DCHS2: variants seen among roughly 807,000 people sequenced by gnomAD.
DCHS2 encodes the protein protocadherin-23.
A neutral mutation model predicts 182.4 loss-of-function variants in DCHS2; 142 were observed. The ratio of observed to expected loss-of-function variants is 0.78; its 90% CI spans 0.68 to 0.89. DCHS2 has a LOEUF of 0.89. Ranked by LOEUF, DCHS2 falls within the 40% of genes least tolerant of loss-of-function variation. The probability of loss-of-function intolerance (pLI) is 0.00; values close to 1 mark genes in which losing one functional copy is unlikely to be tolerated. For synonymous variants in DCHS2, 1,740 were observed against 1,663.3 expected (o/e 1.05, Z -1.12); for missense variants, 4,319 against 4,198.6 (o/e 1.03, Z -0.79).
chr4:154,407,606 C>A (rs1163812312), intron 1 of DCHS2, among the ~76,000 whole-genome samples: 2 of 152,158 alleles, frequency 1.3e-5, no homozygotes, highest in African/African-American at 4.8e-5. Flanking sequence ...GAAACAAAGT[C>A]CTGGTTGCTT....
At chr4:154,438,394 T>G (rs1733867886) in intron 1 of DCHS2, among the ~76,000 whole-genome samples, 1 of 152,228 alleles carries the variant, frequency 6.6e-6, no homozygotes, top group African/African-American at 2.4e-5. Context: ...TGTCTAATCA[T>G]GAGCCAACAG....
At chr4:154,343,269 C>T (rs1729195435) in intron 3 of DCHS2, among the ~76,000 whole-genome samples, 1 of 152,142 alleles carries the variant, frequency 6.6e-6, no homozygotes, top group Non-Finnish European at 1.5e-5. Flanking sequence ...AGCCCTAGGA[C>T]TTTCAGAATG....
At position 154,335,047 on chromosome 4, in the gene DCHS2, A is replaced by C. The variant is rs772484300; in HGVS notation, c.2534T>G (p.Met845Arg). Residue 845 changes from methionine to arginine, a missense_variant, in exon 4 of 20, where the codon ATG becomes AGG. By Grantham distance (91) the Met-to-Arg change is moderately conservative. Transcript: ENST00000357232. Reference sequence around the variant, plus strand: ...CCCACCACCGTCTTGAGCAGAGACCATCAACGAAAGTGTGGTAGATTCCAA... The same window carrying C: ...CCCACCACCGTCTTGAGCAGAGACCCTCAACGAAAGTGTGGTAGATTCCAA... ...SHLESTTLSL[M>R]VSAQDGGGLT... 1 of 1,614,026 alleles carries C rather than the reference A, an allele frequency of 6.2e-7. No homozygotes were observed. The highest frequency in any genetic ancestry group is 8.5e-7 in the Non-Finnish European group (1 of 1,179,838).
At chr4:154,248,222 G>A (rs1732180745) in intron 16 of DCHS2, among the ~76,000 whole-genome samples, 1 of 151,992 alleles carries the variant, frequency 6.6e-6, no homozygotes, top group Admixed American at 6.6e-5. Flanking sequence ...TGACTATGAA[G>A]TAAACATGAA....
chr4:154,307,004 C>T (rs765588569), intron 10 of DCHS2, among the ~76,000 whole-genome samples: 2 of 152,044 alleles, frequency 1.3e-5, no homozygotes, highest in African/African-American at 2.4e-5. Flanking sequence ...ATACATTAAC[C>T]TTCAACCCTC....
intron 1 of DCHS2, among the ~76,000 whole-genome samples, chr4:154,469,217 C>CAA (rs72531007): frequency 0.92 from 139,076 of 151,924 alleles, 64,924 homozygotes; most frequent in East Asian, 1. Flanking sequence ...GGAGTGCAAA[C>CAA]ATCTTCTCAA....
intron 1 of DCHS2, among the ~76,000 whole-genome samples, chr4:154,395,921 G>A (rs1731910395): frequency 6.6e-6 from 1 of 152,196 alleles, no homozygotes; most frequent in Non-Finnish European, 1.5e-5. Flanking sequence ...AGTATGCTAA[G>A]ATATTCAATG....
intron 12 of DCHS2, among the ~76,000 whole-genome samples, chr4:154,300,479 G>A (rs1020126273): frequency 2.8e-5 from 4 of 142,866 alleles, no homozygotes; most frequent in African/African-American, 7.9e-5. Flanking sequence ...TTTGAGTCCA[G>A]CCTGGGCAAC....
chr4:154,446,536 G>GA (rs1734291646), intron 1 of DCHS2, among the ~76,000 whole-genome samples: 1 of 152,122 alleles, frequency 6.6e-6, no homozygotes, highest in Non-Finnish European at 1.5e-5. Context: ...CAGGAGGTGG[G>GA]TCCTATTATC....
intron 16 of DCHS2, among the ~76,000 whole-genome samples, chr4:154,246,948 C>G (rs996547667): frequency 6.6e-6 from 1 of 151,844 alleles, no homozygotes; most frequent in Non-Finnish European, 1.5e-5. Flanking sequence ...GAAAATGAAA[C>G]AGGGCAAAAC....
At chr4:154,440,670 T>C (rs1733971847) in intron 1 of DCHS2, among the ~76,000 whole-genome samples, 1 of 152,192 alleles carries the variant, frequency 6.6e-6, no homozygotes. Context: ...AGTATATCTG[T>C]ATTCTATTTT....
At chr4:154,388,284 A>G (rs185763744) in intron 1 of DCHS2, among the ~76,000 whole-genome samples, 2 of 152,252 alleles carry the variant, frequency 1.3e-5, no homozygotes, top group East Asian at 3.9e-4. Flanking sequence ...ATTTAAAGAC[A>G]CAATAAAATG....
chr4:154,366,746 C>T (rs921219675), intron 2 of DCHS2, among the ~76,000 whole-genome samples: 2 of 152,152 alleles, frequency 1.3e-5, no homozygotes, highest in African/African-American at 4.8e-5. Context: ...GTACACTTCA[C>T]TGCTGATTCT....
Position 154,411,211 on chromosome 4 carries a change from A to G in DCHS2, c.2053-33767T>C, listed in dbSNP as rs75359699. ...GGTCAAATACATAGTGATAGAGAAT[A>G]AAACAGTGGTTATCAGGGTAGAATA... is the stretch of plus-strand genomic sequence containing the variant. On this transcript the variant is annotated intron_variant, in intron 1 of 19. Coordinates refer to ENST00000357232, the MANE Select transcript of DCHS2 (RefSeq NM_001358235.2). Among the ~76,000 whole-genome samples, 979 of 151,112 alleles carry G rather than the reference A, an allele frequency of 6.5e-3. 5 individuals are homozygous for G. Among genetic ancestry groups the G allele is most frequent in the Admixed American group, 0.01 (152 of 15,112 alleles).
chr4:154,376,129 T>G (rs981451240), intron 2 of DCHS2, among the ~76,000 whole-genome samples: 2 of 152,110 alleles, frequency 1.3e-5, no homozygotes, highest in African/African-American at 4.8e-5. Context: ...AGAGGGGGCT[T>G]CTGGGTTCCG....
At chr4:154,311,510 C>A (rs1735671978) in intron 10 of DCHS2, among the ~76,000 whole-genome samples, 1 of 152,138 alleles carries the variant, frequency 6.6e-6, no homozygotes, top group Admixed American at 6.5e-5. Flanking sequence ...ACTAGTATTA[C>A]AGGCATGAGC....
At position 154,399,403 on chromosome 4, in the gene DCHS2, CT is replaced by C. The variant is rs372055018; in HGVS notation, c.2053-21960del. 9.8e-4 allele frequency among the ~76,000 whole-genome samples: 149 copies of C among 152,220 alleles called. 1 individual carries two copies. The East Asian group carries it at 0.019, about 19-fold the overall frequency. On this transcript the variant is annotated intron_variant, in intron 1 of 19. Coordinates refer to ENST00000357232, the MANE Select transcript of DCHS2 (RefSeq NM_001358235.2). ...TATGGAAATACATATTTTAAGTACT[CT>C]GCATTAAAAAGAAAGAGCACATTAT...
intron 1 of DCHS2, among the ~76,000 whole-genome samples, chr4:154,420,258 T>C (rs62331916): frequency 0.34 from 41,069 of 119,440 alleles, 6,441 homozygotes; most frequent in Middle Eastern, 0.52. Flanking sequence ...GATAGATAGA[T>C]AGATAGATAG....
intron 2 of DCHS2, chr4:154,374,017 A>C (rs1345627044): frequency 8.9e-6 from 13 of 1,455,944 alleles, no homozygotes; most frequent in Non-Finnish European, 1.2e-5. Flanking sequence ...AAAAAAAAAA[A>C]AAAAAAAACT....
Sources: gnomAD v4.1 joint callset for allele counts (sites outside exome capture counted in the v4.1 genomes callset) on GRCh38, gnomAD v4.1.1 for gene constraint, MANE v1.5 for transcripts, NCBI Gene and HGNC (gene_info 2026-07-23, HGNC 2026-07-21) for gene names.